Variants in IPO8 observed in about 807,000 individuals in gnomAD.
The protein encoded by IPO8 is importin-8.
Under a neutral mutation model 141.2 loss-of-function variants are expected in IPO8, and 65 were observed. The observed-to-expected ratio is 0.46, with a 90% CI of 0.38 to 0.57. IPO8 has a LOEUF of 0.57. IPO8 is among the 20% of genes least tolerant of loss of function. The pLI is 0.00. For missense variants in IPO8, 980 were observed against 1,246.8 expected (o/e 0.79, Z 3.22); for synonymous variants, 411 against 420.3 (o/e 0.98, Z 0.27).
intron 20 of IPO8, among the ~76,000 whole-genome samples, chr12:30,648,282 A>C (rs1296508499): frequency 3.3e-5 from 5 of 152,234 alleles, no homozygotes. Flanking sequence ...CACACAGATG[A>C]ACCTTGAAAA....
At chr12:30,635,259 G>C (rs1293591477) in intron 22 of IPO8, among the ~76,000 whole-genome samples, 3 of 152,016 alleles carry the variant, frequency 2.0e-5, no homozygotes, top group African/African-American at 7.2e-5. Flanking sequence ...CTATTGTACA[G>C]CATGGTGAAT....
At chr12:30,686,281 C>T (rs1414376074) in intron 2 of IPO8, 8 of 152,200 alleles carry the variant, frequency 5.3e-5, no homozygotes, top group African/African-American at 1.9e-4. Context: ...ATAGACTATT[C>T]AAAAAATAAT....
intron 24 of IPO8, among the ~76,000 whole-genome samples, chr12:30,631,297 T>C (rs1166721704): frequency 6.6e-6 from 1 of 152,122 alleles, no homozygotes; most frequent in African/African-American, 2.4e-5. Flanking sequence ...AAAATCTAAG[T>C]CCATGCAGAA....
At chr12:30,665,650 T>C in intron 12 of IPO8, 79 bp downstream of exon 12, 2 of 869,152 alleles carry the variant, frequency 2.3e-6, no homozygotes, top group Admixed American at 4.3e-5. Context: ...CAGCTTTAAA[T>C]TAGCCATAAC....
At chr12:30,648,969 G>A (rs951608787) in intron 20 of IPO8, among the ~76,000 whole-genome samples, 168 bp downstream of exon 20, 2 of 152,042 alleles carry the variant, frequency 1.3e-5, no homozygotes, top group Non-Finnish European at 2.9e-5. Flanking sequence ...GCAAGGTACG[G>A]TTTCCAAACT....
In IPO8 at chr12:30,650,763, A is replaced by AT. The variant is rs1480334505; in HGVS notation, c.2172+1428dup. 2.0e-5 allele frequency among the ~76,000 whole-genome samples: 3 copies of AT among 152,042 alleles called. No individual in the cohort carries two copies. The East Asian group carries it at 5.8e-4, about 29-fold the overall frequency. ...AAAGAAAACAAAAATGTATCTTGTAATTTTTTAAATAGGCTCTGGAGTCAG... is the reference window on the plus strand; with the variant it reads ...AAAGAAAACAAAAATGTATCTTGTAATTTTTTTAAATAGGCTCTGGAGTCAG... On this transcript the variant is annotated intron_variant, in intron 19 of 24. Coordinates refer to ENST00000256079, the MANE Select transcript of IPO8 (RefSeq NM_006390.4).
chr12:30,636,815 C>T lies in IPO8; in HGVS notation c.2695+167G>A, dbSNP rs184145542. Among the ~76,000 whole-genome samples, 949 of 152,252 alleles carry T rather than the reference C, an allele frequency of 6.2e-3. 4 individuals are homozygous for T. Among genetic ancestry groups the T allele is most frequent in the Middle Eastern group, 0.02 (6 of 294 alleles). Reference sequence around the variant, plus strand: ...GGTGCATAAATCTAAATTTATATAGCATGATACAATTAATAGCAAGTCAAC... The same window carrying T: ...GGTGCATAAATCTAAATTTATATAGTATGATACAATTAATAGCAAGTCAAC... On this transcript the variant is annotated intron_variant, in intron 22 of 24. Coordinates refer to ENST00000256079, the MANE Select transcript of IPO8 (RefSeq NM_006390.4).
intron 16 of IPO8, among the ~76,000 whole-genome samples, 186 bp downstream of exon 16, chr12:30,660,954 TG>T (rs2052877597): frequency 3.0e-5 from 1 of 33,066 alleles, no homozygotes; most frequent in African/African-American, 2.2e-4. Flanking sequence ...ACAAATATTA[TG>T]ATGTAATATT....
At chr12:30,679,845 T>G (rs10444423) in intron 5 of IPO8, among the ~76,000 whole-genome samples, 32,334 of 152,106 alleles carry the variant, frequency 0.21, 3,595 homozygotes, top group East Asian at 0.3. Flanking sequence ...AAACAATTAT[T>G]CTTCCTCCAA....
chr12:30,665,375 G>A, intron 12 of IPO8, 66 bp from the exon 13 acceptor site: 1 of 910,902 alleles, frequency 1.1e-6, no homozygotes, highest in Non-Finnish European at 1.8e-6. Context: ...TCCTAATCAA[G>A]TGTGTTTACT....
In IPO8 at chr12:30,665,221, C is replaced by G. The variant is rs913621122; in HGVS notation, c.1427G>C (p.Arg476Thr). 12 of 1,498,062 alleles carry G rather than the reference C, an allele frequency of 8.0e-6. No homozygotes were observed. Among genetic ancestry groups the G allele is most frequent in the Non-Finnish European group, 1.1e-5 (12 of 1,085,548 alleles). 92.8% of individuals were successfully genotyped at this position (1,498,062 alleles called of 1,614,324 possible). A position where few individuals can be genotyped will look rare whatever the true frequency, so the allele number is the denominator to read the frequency against. ...ATAACAGAAATATGAAAAACTTACT[C>G]TAGCTCGAAGATATCCCAGGTTAGA... ...LLSNLGYLRA[R>T]SCWVLHAFSS... Residue 476 changes from arginine (R) to threonine (T), a missense_variant and splice_region_variant, in exon 13 of 25, where the codon AGA becomes ACA. By Grantham distance (71) the Arg-to-Thr change is moderately conservative (BLOSUM62 -1). This residue lies in a region of IPO8 where 924 missense variants were observed against 1,153.9 expected (regional missense o/e 0.80). Transcript: ENST00000256079.
At chr12:30,638,902 A>C (rs1404871299) in intron 21 of IPO8, among the ~76,000 whole-genome samples, 2 of 151,938 alleles carry the variant, frequency 1.3e-5, no homozygotes, top group African/African-American at 4.8e-5. Flanking sequence ...CGATCTCCTG[A>C]CCTCGTGATC....
chr12:30,667,330 G>T (rs899790039), intron 10 of IPO8, among the ~76,000 whole-genome samples: 1 of 152,168 alleles, frequency 6.6e-6, no homozygotes, highest in African/African-American at 2.4e-5. Context: ...CACACAGCAG[G>T]TAAGTGACCA....
rs201111641 is a variant in IPO8, at chr12:30,684,257, C to T, written c.323+44G>A. The T allele has an allele frequency of 2.5e-6, 4 of 1,582,618 alleles. No homozygotes were observed. In the African/African-American group the frequency reaches 5.4e-5, roughly 21 times the overall value. ...AACAGCACCCACCCTCAGATCTAAC[C>T]ATTTCATGCTTTCTAGTAATCACAA... On this transcript the variant is annotated intron_variant, in intron 3 of 24. Coordinates refer to ENST00000256079, the MANE Select transcript of IPO8 (RefSeq NM_006390.4).
rs758824514 is a variant in IPO8 at position 30,634,128 on chromosome 12, C to T, written c.2854G>A (p.Asp952Asn). The T allele has an allele frequency of 6.2e-7, 1 of 1,613,938 alleles. No individual in the cohort carries two copies. The highest frequency in any genetic ancestry group is 8.5e-7 in the Non-Finnish European group (1 of 1,179,866). ...AACTGATATTCATCCACACTATTGT[C>T]AAGGTCAAGTGGAGTACTGAACCCC... Reference protein sequence around the residue: ...LEGFSTPLDLDNSVDEYQFFT... With the variant: ...LEGFSTPLDLNNSVDEYQFFT... Residue 952 changes from aspartate (D) to asparagine (N), a missense_variant, in exon 23 of 25, where the codon GAC (aspartate) becomes AAC (asparagine). Coordinates refer to ENST00000256079, the MANE Select transcript of IPO8 (RefSeq NM_006390.4).
chr12:30,640,975 A>C (rs1170307978), intron 20 of IPO8, among the ~76,000 whole-genome samples: 1 of 152,250 alleles, frequency 6.6e-6, no homozygotes, highest in Non-Finnish European at 1.5e-5. Flanking sequence ...ACATACAATT[A>C]TGTCAGCTTA....
chr12:30,633,041 G>A (rs2052454392), intron 23 of IPO8, among the ~76,000 whole-genome samples: 1 of 152,136 alleles, frequency 6.6e-6, no homozygotes, highest in South Asian at 2.1e-4. Context: ...CCCATGTCTG[G>A]AACTACACTA....
intron 16 of IPO8, among the ~76,000 whole-genome samples, chr12:30,657,063 G>A (rs182771916): frequency 3.9e-5 from 6 of 152,038 alleles, no homozygotes; most frequent in Admixed American, 2.0e-4. Context: ...AAGAATTATT[G>A]TATAATCCTG....
intron 2 of IPO8, chr12:30,688,509 CA>C: frequency 2.8e-6 from 1 of 354,846 alleles, no homozygotes; most frequent in East Asian, 9.9e-5. Context: ...AAAATCACAA[CA>C]TTCTTTTTTA....
Sources: allele counts gnomAD v4.1 joint callset (sites outside exome capture counted in the v4.1 genomes callset), GRCh38; gene constraint gnomAD v4.1.1; regional missense constraint gnomAD v4.1.1; transcripts MANE v1.5; gene names NCBI Gene and HGNC (gene_info 2026-07-23, HGNC 2026-07-21).